The following COLEC10 variants were observed in gnomAD, a reference collection of about 807,000 sequenced individuals.
The protein encoded by COLEC10 is collectin subfamily member 10.
Under a neutral mutation model 28.4 loss-of-function variants are expected in COLEC10, and 22 were observed. The observed-to-expected ratio is 0.78, with a 90% CI of 0.55 to 1.11. COLEC10 has a LOEUF of 1.11. Ranked by LOEUF, COLEC10 falls within the 50% of genes least tolerant of loss-of-function variation. The pLI, the probability that COLEC10 is intolerant of heterozygous loss-of-function variation, is 0.00. For synonymous variants in COLEC10, 125 were observed against 116.1 expected, an observed-to-expected ratio of 1.08 and a Z score of -0.49; for missense variants, 361 against 344.1, an observed-to-expected ratio of 1.05 and a Z score of -0.39.
chr8:119,106,335 T>C lies in COLEC10; in HGVS notation c.*144T>C. The C allele has an allele frequency of 2.6e-6, 2 of 760,356 alleles. No individual in the cohort carries two copies. The allele number at this position is 760,356 out of a possible 1,614,324, so 47.1% of individuals were successfully genotyped here. On this transcript the variant is annotated 3_prime_UTR_variant, in exon 6 of 6. Coordinates refer to ENST00000332843, the MANE Select transcript of COLEC10 (RefSeq NM_006438.5). ...AAACTGAGGTATGGAGCCTCCATCA[T>C]CATGCTCTTTTGTGATGATTTTCAT...
At chr8:118,986,350 C>T in the COLEC10 span, among the ~76,000 whole-genome samples, 1 of 152,202 alleles carries the variant, frequency 6.6e-6, no homozygotes, top group African/African-American at 2.4e-5. Flanking sequence ...AGTTCATTCA[C>T]TGAAGAGTTA....
chr8:118,964,577 G>C, the COLEC10 span, among the ~76,000 whole-genome samples: 2 of 152,146 alleles, frequency 1.3e-5, no homozygotes, highest in Non-Finnish European at 2.9e-5. Context: ...TAAACTTTCT[G>C]TAGGGCACTG....
chr8:118,972,994 ACT>A, the COLEC10 span, among the ~76,000 whole-genome samples: 1 of 151,966 alleles, frequency 6.6e-6, no homozygotes, highest in South Asian at 2.1e-4. Flanking sequence ...TTGAGAACTC[ACT>A]ATCAGAACAG....
intron 2 of COLEC10, among the ~76,000 whole-genome samples, chr8:119,053,912 T>C (rs1298892867): frequency 6.6e-6 from 1 of 152,048 alleles, no homozygotes; most frequent in African/African-American, 2.4e-5. Flanking sequence ...CATACATAGC[T>C]ATGATAAAAT....
chr8:119,026,762 A>G (rs1814199492), intron 2 of COLEC10, among the ~76,000 whole-genome samples: 1 of 152,202 alleles, frequency 6.6e-6, no homozygotes. Flanking sequence ...GGAACATCCA[A>G]CAAAGCCAAT....
At chr8:119,014,046 TAC>T (rs1813946918) in intron 2 of COLEC10, among the ~76,000 whole-genome samples, 1 of 150,608 alleles carries the variant, frequency 6.6e-6, no homozygotes, top group East Asian at 1.9e-4. Flanking sequence ...CAGACACATA[TAC>T]ACACACATTC....
the COLEC10 span, among the ~76,000 whole-genome samples, chr8:118,977,697 A>G: frequency 3.2e-4 from 47 of 147,054 alleles, no homozygotes; most frequent in African/African-American, 1.2e-3. Flanking sequence ...ACATGTATAC[A>G]TATGTAACCT....
At chr8:119,055,472 C>A (rs1200162026) in intron 2 of COLEC10, among the ~76,000 whole-genome samples, 1 of 152,052 alleles carries the variant, frequency 6.6e-6, no homozygotes, top group African/African-American at 2.4e-5. Context: ...TCCACATTTG[C>A]AAAATGGTGA....
intron 2 of COLEC10, among the ~76,000 whole-genome samples, chr8:119,038,703 T>C (rs868788547): frequency 2.0e-5 from 3 of 152,226 alleles, no homozygotes; most frequent in African/African-American, 4.8e-5. Context: ...TCTATCACTG[T>C]CATTCATTTG....
chr8:119,035,260 C>T (rs1236640881), intron 2 of COLEC10, among the ~76,000 whole-genome samples: 1 of 151,882 alleles, frequency 6.6e-6, no homozygotes. Flanking sequence ...CGTGCATCAG[C>T]CATTCTTTTA....
At chr8:119,067,619 A>G in intron 1 of COLEC10, 190 bp downstream of exon 1, 1 of 530,162 alleles carries the variant, frequency 1.9e-6, no homozygotes, top group Non-Finnish European at 3.2e-6. Flanking sequence ...CTTTGATGTT[A>G]GGTAAGAGGA....
At chr8:119,070,177 T>A (rs1815074905) in intron 1 of COLEC10, among the ~76,000 whole-genome samples, 1 of 152,210 alleles carries the variant, frequency 6.6e-6, no homozygotes, top group South Asian at 2.1e-4. Context: ...TACACTTCAG[T>A]GTCTTCATTT....
At chr8:119,007,137 A>T (rs1813818295) in intron 1 of COLEC10, among the ~76,000 whole-genome samples, 1 of 152,080 alleles carries the variant, frequency 6.6e-6, no homozygotes, top group African/African-American at 2.4e-5. Context: ...GTTCCCTAGG[A>T]ATATCGCCAA....
At chr8:118,990,978 AAC>A (rs144975865), upstream of COLEC10, among the ~76,000 whole-genome samples, 7,288 of 151,856 alleles carry the variant, frequency 0.048, 262 homozygotes, top group East Asian at 0.16. Flanking sequence ...AGAAAAAAAA[AAC>A]AAAACACCAT....
intron 2 of COLEC10, among the ~76,000 whole-genome samples, chr8:119,034,955 T>A (rs546872677): frequency 6.6e-6 from 1 of 152,296 alleles, no homozygotes; most frequent in African/African-American, 2.4e-5. Context: ...AAACGGCAAC[T>A]AATCATATGT....
At chr8:119,083,965 C>T (rs72682427) in intron 1 of COLEC10, among the ~76,000 whole-genome samples, 10,397 of 152,230 alleles carry the variant, frequency 0.068, 468 homozygotes, top group Middle Eastern at 0.18. Context: ...CCTCCCTTTT[C>T]CACAGATAAC....
intron 2 of COLEC10, among the ~76,000 whole-genome samples, chr8:119,023,523 C>T (rs1402722110): frequency 6.6e-6 from 1 of 152,112 alleles, no homozygotes; most frequent in Non-Finnish European, 1.5e-5. Context: ...GTTCCAAAGA[C>T]TTATTTTAAC....
At chr8:119,101,389 T>C (rs538629984) in intron 3 of COLEC10, among the ~76,000 whole-genome samples, 3 of 152,298 alleles carry the variant, frequency 2.0e-5, no homozygotes, top group East Asian at 1.9e-4. Flanking sequence ...TTCCTGAAAA[T>C]CAAAAGCTTT....
At chr8:119,099,387 G>C (rs906992911) in intron 3 of COLEC10, among the ~76,000 whole-genome samples, 1 of 151,990 alleles carries the variant, frequency 6.6e-6, no homozygotes, top group Non-Finnish European at 1.5e-5. Context: ...GCCCAGTGCT[G>C]ATCCGATTAT....
Sources: allele counts gnomAD v4.1 joint callset (sites outside exome capture counted in the v4.1 genomes callset), GRCh38; gene constraint gnomAD v4.1.1; transcripts MANE v1.5; gene names NCBI Gene and HGNC (gene_info 2026-07-23, HGNC 2026-07-21).